Variants in COL7A1 observed in about 807,000 individuals in gnomAD.
COL7A1 encodes collagen alpha-1(VII) chain.
COL7A1 carries 296 observed loss-of-function variants against 456.2 expected under a neutral mutation model. The observed-to-expected ratio is 0.65, with a 90% CI of 0.59 to 0.71. COL7A1 has a LOEUF of 0.71. Among genes scored for constraint, COL7A1 ranks in the 30% least tolerant of loss-of-function variants. COL7A1 has a pLI of 0.00. For missense variants in COL7A1, 3,441 were observed against 4,017.2 expected (o/e 0.86, Z 3.88); for synonymous variants, 1,464 against 1,525.9 (o/e 0.96, Z 0.95).
chr3:48,567,303 G>A lies in COL7A1; in HGVS notation c.8047-113C>T. The stretch of plus-strand genomic sequence containing the variant: ...AATGCCCAAACCTTCTGTAACCCAA[G>A]CACCTGTGAGCCAACCAGATGTGAT... On this transcript the variant is annotated intron_variant, in intron 109 of 118. Transcript: ENST00000681320. The surrounding 1 kb of genome is among the most constrained non-coding windows in gnomAD (Gnocchi z 4.3). 2 of 1,321,300 alleles carry A rather than the reference G, an allele frequency of 1.5e-6. No homozygotes were observed. The highest frequency in any genetic ancestry group is 2.2e-6 in the Non-Finnish European group (2 of 929,990). 81.8% of individuals were successfully genotyped at this position (1,321,300 alleles called of 1,614,324 possible).
chr3:48,588,568 T>C lies in COL7A1; in HGVS notation c.2587+74A>G. On this transcript the variant is annotated intron_variant, in intron 20 of 118. Coordinates refer to ENST00000681320, the MANE Select transcript of COL7A1 (RefSeq NM_000094.4). This position sits in a 1 kb window ranked among gnomAD's most constrained non-coding sequence, Gnocchi z 4.6. Reference sequence around the variant, plus strand: ...CTACCAATCCTGGTCCTTTCTCCAATCCAGAGCACAAGCCCGGATCCCCAA... The same window carrying C: ...CTACCAATCCTGGTCCTTTCTCCAACCCAGAGCACAAGCCCGGATCCCCAA... The C allele has an allele frequency of 6.2e-7, 1 of 1,612,070 alleles. No homozygotes were observed. Among genetic ancestry groups the C allele is most frequent in the Non-Finnish European group, 8.5e-7 (1 of 1,179,248 alleles).
In COL7A1 at chr3:48,592,869, T is replaced by C. The variant is rs1227103410; in HGVS notation, c.752A>G (p.Gln251Arg). Residue 251 changes from glutamine (Q) to arginine (R), a missense_variant, in exon 7 of 119, where the codon CAG becomes CGG. Gln to Arg is a conservative substitution (Grantham distance 43). Around this residue, in one of 3 missense-constraint regions of COL7A1, gnomAD observed 913 missense variants for 1,088.2 expected, o/e 0.84. Transcript: ENST00000681320. The surrounding 1 kb of genome is among the most constrained non-coding windows in gnomAD (Gnocchi z 7.6). ...CACAGGGCCACTGGCCGCTGTCCAC[T>C]GTACTCTCAAGGATTGGCTGCTTGG... ...SEPSSQSLRV[Q>R]WTAASGPVTG... is the part of the protein sequence containing the mutation. 5.3e-5 allele frequency: 86 copies of C among 1,613,962 alleles called. No individual in the cohort carries two copies. Among genetic ancestry groups the C allele is most frequent in the Non-Finnish European group, 7.2e-5 (85 of 1,180,044 alleles).
At chr3:48,595,231 G>A in intron 1 of COL7A1, 37 bp downstream of exon 1, 1 of 1,303,830 alleles carries the variant, frequency 7.7e-7, no homozygotes, top group Non-Finnish European at 1.1e-6. Context: ...TGGCAGGTCC[G>A]AGCCCAGCGC....
chr3:48,570,789 C>A lies in COL7A1; in HGVS notation c.7272+72G>T. On this transcript the variant is annotated intron_variant, in intron 95 of 118. Transcript: ENST00000681320. This position sits in a 1 kb window ranked among gnomAD's most constrained non-coding sequence, Gnocchi z 5.5. ...CCTCTGCCCCCTCAAGACTGGGAAC[C>A]CCCAAGGCAGGGCCCCCTCCTCACC... 2 of 1,559,626 alleles carry A rather than the reference C, an allele frequency of 1.3e-6. No individual in the cohort carries two copies. The highest frequency in any genetic ancestry group is 1.7e-6 in the Non-Finnish European group (2 of 1,151,662).
In COL7A1 at chr3:48,591,481, A is replaced by G. The variant is rs747447650; in HGVS notation, c.1619T>C (p.Ile540Thr). Reference protein sequence around the residue: ...PVPGATQYRIIVRSTQGVERT... With the variant: ...PVPGATQYRITVRSTQGVERT... ...CACCTCACCCTGGGTGCTGCGCACA[A>G]TGATGCGGTACTGGGTGGCACCAGG... The change falls in exon 13 of 119, where the codon ATT becomes ACT. Residue 540 changes from isoleucine to threonine, a missense_variant. Ile to Thr is a moderately conservative substitution (Grantham distance 89). This residue lies in a region of COL7A1 where 913 missense variants were observed against 1,088.2 expected (regional missense o/e 0.84). Coordinates refer to ENST00000681320, the MANE Select transcript of COL7A1 (RefSeq NM_000094.4). This position sits in a 1 kb window ranked among gnomAD's most constrained non-coding sequence, Gnocchi z 7.0. 1.2e-6 allele frequency: 2 copies of G among 1,613,938 alleles called. No homozygotes were observed. Among genetic ancestry groups the G allele is most frequent in the South Asian group, 1.1e-5 (1 of 91,074 alleles).
chr3:48,572,905 C>A lies in COL7A1; in HGVS notation c.6788G>T (p.Gly2263Val), dbSNP rs1405839597. The change falls in exon 87 of 119, where the codon GGT becomes GTT. Residue 2263 changes from glycine (G) to valine (V), a missense_variant. Physicochemically the swap from Gly to Val is moderately radical, Grantham distance 109. Transcript: ENST00000681320. The surrounding 1 kb of genome is among the most constrained non-coding windows in gnomAD (Gnocchi z 4.6). ...TCTGTCTCCATCTTTTCCACTGGCA[C>A]CATCTCGACCTGGGGCTCCCGGCTT... Reference protein sequence around the residue: ...TGKPGAPGRDGASGKDGDRGS... With the variant: ...TGKPGAPGRDVASGKDGDRGS... The A allele has an allele frequency of 6.2e-7, 1 of 1,613,974 alleles. No individual in the cohort carries two copies. Among genetic ancestry groups the A allele is most frequent in the Non-Finnish European group, 8.5e-7 (1 of 1,180,008 alleles).
At position 48,584,480 on chromosome 3, in the gene COL7A1, C is replaced by T; in HGVS notation, c.4119+5G>A. The T allele has an allele frequency of 6.2e-7, 1 of 1,614,024 alleles. No homozygotes were observed. Among genetic ancestry groups the T allele is most frequent in the Non-Finnish European group, 8.5e-7 (1 of 1,179,988 alleles). On this transcript the variant is annotated splice_donor_5th_base_variant and intron_variant, in intron 36 of 118. Coordinates refer to ENST00000681320, the MANE Select transcript of COL7A1 (RefSeq NM_000094.4). ...ATCACTTGCCTCCACATACCCTGCACTTACCGATGGTCCAGGGTCCCCTTT... is the reference window on the plus strand; with the variant it reads ...ATCACTTGCCTCCACATACCCTGCATTTACCGATGGTCCAGGGTCCCCTTT...
Position 48,566,580 on chromosome 3 carries a change from G to A in COL7A1, c.8305-17C>T, listed in dbSNP as rs1457876649. ...TGGCCGCCCCTATGTGCAACAGATG[G>A]GACCAGGCTGTGACCTCTGACCTCA... On this transcript the variant is annotated splice_polypyrimidine_tract_variant and intron_variant, in intron 112 of 118. Transcript: ENST00000681320. The surrounding 1 kb of genome is among the most constrained non-coding windows in gnomAD (Gnocchi z 5.9). The A allele has an allele frequency of 6.2e-7, 1 of 1,614,178 alleles. No homozygotes were observed. The highest frequency in any genetic ancestry group is 2.2e-5 in the East Asian group (1 of 44,886).
At chr3:48,576,333 A>C in intron 70 of COL7A1, 37 bp from the exon 71 acceptor site, 13 of 1,613,936 alleles carry the variant, frequency 8.1e-6, no homozygotes, top group Non-Finnish European at 1.1e-5. Context: ...GAACCAGCCT[A>C]TGGGTGTGCA....
At chr3:48,595,026 G>T in intron 2 of COL7A1, 49 bp downstream of exon 2, 2 of 1,422,140 alleles carry the variant, frequency 1.4e-6, no homozygotes, top group Non-Finnish European at 1.9e-6. Flanking sequence ...TGGAGCGGAG[G>T]GTGGCACGGT....
chr3:48,582,313 C>T lies in COL7A1; in HGVS notation c.4635+10G>A, dbSNP rs749722600. 7 of 1,613,820 alleles carry T rather than the reference C, an allele frequency of 4.3e-6. No individual in the cohort carries two copies. Among genetic ancestry groups the T allele is most frequent in the East Asian group, 2.2e-5 (1 of 44,890 alleles). On this transcript the variant is annotated intron_variant, in intron 47 of 118. Transcript: ENST00000681320. Reference sequence around the variant, plus strand: ...TGCTGTGCTCAGAGCGCCATCCTCCCGTCACTCACCACCACTGCAGGGTCC... The same window carrying T: ...TGCTGTGCTCAGAGCGCCATCCTCCTGTCACTCACCACCACTGCAGGGTCC...
Position 48,572,198 on chromosome 3 carries a change from C to T in COL7A1, c.6979-27G>A, listed in dbSNP as rs757650870. On this transcript the variant is annotated intron_variant, in intron 90 of 118. Coordinates refer to ENST00000681320, the MANE Select transcript of COL7A1 (RefSeq NM_000094.4). This position sits in a 1 kb window ranked among gnomAD's most constrained non-coding sequence, Gnocchi z 4.6. ...TGTTGACAGAGGTCAGGAGGCAACA[C>T]AGGCATCAGTCACAGAAAGATGAGA... The T allele has an allele frequency of 1.2e-6, 2 of 1,614,082 alleles. No individual in the cohort carries two copies. The highest frequency in any genetic ancestry group is 2.2e-5 in the South Asian group (2 of 91,088).
Position 48,581,416 on chromosome 3 carries a change from C to A in COL7A1, c.4818+32G>T, listed in dbSNP as rs200514312. ...TCTCAAGGGGAGGGGACCCCAGAAG[C>A]CTTGAGGTTGCCCAGGGTAACGGGT... On this transcript the variant is annotated intron_variant, in intron 51 of 118. Transcript: ENST00000681320. The surrounding 1 kb of genome is among the most constrained non-coding windows in gnomAD (Gnocchi z 5.8). The A allele has an allele frequency of 1.3e-5, 21 of 1,613,800 alleles. No homozygotes were observed. In the Admixed American group the frequency reaches 1.3e-4, roughly 10 times the overall value.
rs1560195765 is a variant in COL7A1 at position 48,567,328 on chromosome 3, TC to T, written c.8047-139del. 9.2e-7 allele frequency: 1 copy of T among 1,090,026 alleles called. No homozygotes were observed. The highest frequency in any genetic ancestry group is 1.4e-6 in the Non-Finnish European group (1 of 730,142). 67.5% of individuals were successfully genotyped at this position (1,090,026 alleles called of 1,614,324 possible). A position where few individuals can be genotyped will look rare whatever the true frequency, so the allele number is the denominator to read the frequency against. On this transcript the variant is annotated intron_variant, in intron 109 of 118. Coordinates refer to ENST00000681320, the MANE Select transcript of COL7A1 (RefSeq NM_000094.4). This position sits in a 1 kb window ranked among gnomAD's most constrained non-coding sequence, Gnocchi z 4.3. ...GCACCTGTGAGCCAACCAGATGTGA[TC>T]CCCATGACTCCAACTCCACTATAGC...
chr3:48,567,692 G>C lies in COL7A1; in HGVS notation c.7983+18C>G. ...CGTCCACCCGTGGCCCCCTCATTCTGAGCGTGCCCACACTCACCATCTCTC... is the reference window on the plus strand; with the variant it reads ...CGTCCACCCGTGGCCCCCTCATTCTCAGCGTGCCCACACTCACCATCTCTC... On this transcript the variant is annotated intron_variant, in intron 108 of 118. Coordinates refer to ENST00000681320, the MANE Select transcript of COL7A1 (RefSeq NM_000094.4). The surrounding 1 kb of genome is among the most constrained non-coding windows in gnomAD (Gnocchi z 4.3). 6.2e-7 allele frequency: 1 copy of C among 1,613,886 alleles called. No individual in the cohort carries two copies. The highest frequency in any genetic ancestry group is 1.3e-5 in the African/African-American group (1 of 74,946).
Position 48,588,512 on chromosome 3 carries a change from C to G in COL7A1, c.2588-108G>C, listed in dbSNP as rs866335759. On this transcript the variant is annotated intron_variant, in intron 20 of 118. Coordinates refer to ENST00000681320, the MANE Select transcript of COL7A1 (RefSeq NM_000094.4). This position sits in a 1 kb window ranked among gnomAD's most constrained non-coding sequence, Gnocchi z 4.6. ...CCGCCCAGCCTCTCAGACCCCTCTC[C>G]CTCCTCTCAGACCCTGCCCCCAAAG... 6.3e-7 allele frequency: 1 copy of G among 1,599,352 alleles called. No individual in the cohort carries two copies. Among genetic ancestry groups the G allele is most frequent in the Non-Finnish European group, 8.5e-7 (1 of 1,174,438 alleles).
At chr3:48,582,205 A>G in intron 47 of COL7A1, 118 bp downstream of exon 47, 1 of 1,568,244 alleles carries the variant, frequency 6.4e-7, no homozygotes, top group South Asian at 1.1e-5. Flanking sequence ...AGAGCCGCAG[A>G]GCTCCCAGCC....
chr3:48,580,165 G>A lies in COL7A1; in HGVS notation c.5098-108C>T. On this transcript the variant is annotated intron_variant, in intron 56 of 118. Coordinates refer to ENST00000681320, the MANE Select transcript of COL7A1 (RefSeq NM_000094.4). This position sits in a 1 kb window ranked among gnomAD's most constrained non-coding sequence, Gnocchi z 4.5. The stretch of plus-strand genomic sequence containing the variant: ...CCCAAGTTCCCCGAAGCACCCCAAT[G>A]CCAGCCCCCAGCAGGCATGGGTGGC... 2 of 1,546,258 alleles carry A rather than the reference G, an allele frequency of 1.3e-6. No homozygotes were observed. Among genetic ancestry groups the A allele is most frequent in the Non-Finnish European group, 1.8e-6 (2 of 1,129,388 alleles).
Position 48,580,354 on chromosome 3 carries a change from G to A in COL7A1, c.5053-10C>T. 2 of 1,608,398 alleles carry A rather than the reference G, an allele frequency of 1.2e-6. No individual in the cohort carries two copies. The highest frequency in any genetic ancestry group is 1.7e-6 in the Non-Finnish European group (2 of 1,177,114). On this transcript the variant is annotated splice_polypyrimidine_tract_variant and intron_variant, in intron 55 of 118. Coordinates refer to ENST00000681320, the MANE Select transcript of COL7A1 (RefSeq NM_000094.4). The surrounding 1 kb of genome is among the most constrained non-coding windows in gnomAD (Gnocchi z 4.5). The stretch of plus-strand genomic sequence containing the variant: ...ATGATCCAGGGCTGCCCTGCAGAAA[G>A]GCAGGGGTCAGGGCCACTCAAGGTA...
Sources: allele counts gnomAD v4.1 joint callset, GRCh38; gene constraint gnomAD v4.1.1; regional missense constraint gnomAD v4.1.1; non-coding constraint Gnocchi (gnomAD v3.1); transcripts MANE v1.5; gene names NCBI Gene and HGNC (gene_info 2026-07-23, HGNC 2026-07-21).